Variants in FANCD2OS observed in about 807,000 individuals in gnomAD.
FANCD2OS encodes the protein FANCD2 opposite strand.
In FANCD2OS, 11 loss-of-function variants were observed where a neutral mutation model predicts 13.2. The observed-to-expected ratio is 0.83, with a 90% CI of 0.52 to 1.38. FANCD2OS has a LOEUF of 1.38. FANCD2OS is among the 40% of genes most tolerant of loss of function. The pLI, the probability that FANCD2OS is intolerant of heterozygous loss-of-function variation, is 0.00. For missense variants in FANCD2OS, 217 were observed against 213.9 expected, an observed-to-expected ratio of 1.01 and a Z score of -0.09; for synonymous variants, 69 against 84.5, an observed-to-expected ratio of 0.82 and a Z score of 1.01.
intron 1 of FANCD2OS, among the ~76,000 whole-genome samples, chr3:10,105,274 C>T (rs1245380678): frequency 1.3e-5 from 2 of 152,168 alleles, no homozygotes; most frequent in South Asian, 2.1e-4. Context: ...TAGGTCTTAA[C>T]CCATTTTATA....
At position 10,087,296 on chromosome 3, in the gene FANCD2OS, T is replaced by G. The variant is rs766103472; in HGVS notation, c.*44-5765A>C. The G allele has an allele frequency of 2.8e-5, 44 of 1,583,774 alleles. 1 individual carries two copies. The African/African-American group carries it at 5.2e-4, about 19-fold the overall frequency. On this transcript the variant is annotated intron_variant, in intron 2 of 2. Transcript: ENST00000524279. ...GGCCTAGATCCTTTTTTTTTTTTTT[T>G]TTTTAATGAATAGGACTAATATCTC...
downstream of FANCD2OS, chr3:10,101,270 A>G: frequency 1.9e-5 from 31 of 1,597,678 alleles, no homozygotes; most frequent in Non-Finnish European, 2.6e-5. Context: ...TAGACCCCAG[A>G]TAAATTGTTG....
downstream of FANCD2OS, chr3:10,099,207 C>T (rs943804571): frequency 2.2e-6 from 3 of 1,372,102 alleles, no homozygotes; most frequent in Non-Finnish European, 2.8e-6. Flanking sequence ...AATGTGAAAG[C>T]ATTTGGTGAA....
chr3:10,087,449 T>G (rs1303462266), intron 2 of FANCD2OS, among the ~76,000 whole-genome samples: 1 of 152,046 alleles, frequency 6.6e-6, no homozygotes, highest in African/African-American at 2.4e-5. Context: ...CTGCTAAAAT[T>G]GCTTAGTCTG....
chr3:10,100,533 G>A (rs536655675), downstream of FANCD2OS, among the ~76,000 whole-genome samples: 5 of 152,210 alleles, frequency 3.3e-5, no homozygotes, highest in South Asian at 2.1e-4. Flanking sequence ...AACCATGCCC[G>A]GCTAGTTTTT....
In FANCD2OS at chr3:10,081,489, G is replaced by C. The variant is rs1466705920; in HGVS notation, c.*86C>G. On this transcript the variant is annotated 3_prime_UTR_variant, in exon 3 of 3. Coordinates refer to the FANCD2OS transcript ENST00000524279. ...GGTAAGTATGTGGGAAGTGTGGAGA[G>C]AACTGAGTATATACTTGCTTTTATT... 2.8e-6 allele frequency: 4 copies of C among 1,454,454 alleles called. No homozygotes were observed. The African/African-American group carries it at 5.6e-5, about 20-fold the overall frequency. 90.1% of individuals were successfully genotyped at this position (1,454,454 alleles called of 1,614,324 possible).
At chr3:10,094,891 C>T (rs958804399) in intron 2 of FANCD2OS, 1 of 414,812 alleles carries the variant, frequency 2.4e-6, no homozygotes, top group African/African-American at 2.0e-5. Flanking sequence ...CCTCACAGCC[C>T]TGAAAGAGAA....
At chr3:10,093,092 G>A (rs1428748013) in intron 2 of FANCD2OS, among the ~76,000 whole-genome samples, 1 of 152,020 alleles carries the variant, frequency 6.6e-6, no homozygotes, top group Non-Finnish European at 1.5e-5. Context: ...CTCTTTGCTC[G>A]TCTCTTCCTT....
At position 10,105,944 on chromosome 3, in the gene FANCD2OS, C is replaced by G. The variant is rs960969423; in HGVS notation, c.-8-1162G>C. ...GGAACAAACTCCACGTGGGACCCAG[C>G]AATCTGCATTTATATAAGCCCTCTT... is the stretch of plus-strand genomic sequence containing the variant. On this transcript the variant is annotated intron_variant, in intron 1 of 1. Transcript: ENST00000450660. 3.3e-5 allele frequency among the ~76,000 whole-genome samples: 5 copies of G among 151,224 alleles called. No individual in the cohort carries two copies. The Admixed American group carries it at 3.3e-4, about 10-fold the overall frequency.
chr3:10,090,195 A>G lies in FANCD2OS; in HGVS notation c.*44-8664T>C, dbSNP rs1409886921. The stretch of plus-strand genomic sequence containing the variant: ...GACCCTAGTGAAAGGACATTTAGAG[A>G]GGTAGGGAAGGAAGCTACTTTTGGT... On this transcript the variant is annotated intron_variant, in intron 2 of 2. Transcript: ENST00000524279. 1.1e-5 allele frequency: 9 copies of G among 807,166 alleles called. No individual in the cohort carries two copies. In the Admixed American group the frequency reaches 1.7e-4, roughly 16 times the overall value. The allele number at this position is 807,166 out of a possible 1,614,324, so 50.0% of individuals were successfully genotyped here.
At chr3:10,106,911 GAAA>G (rs1238566372) in intron 1 of FANCD2OS, among the ~76,000 whole-genome samples, 1 of 151,912 alleles carries the variant, frequency 6.6e-6, no homozygotes, top group Non-Finnish European at 1.5e-5. Flanking sequence ...TCTCAAAAAA[GAAA>G]AAAACGTTGG....
intron 2 of FANCD2OS, chr3:10,093,212 C>T (rs1694755056): frequency 1.3e-5 from 15 of 1,142,516 alleles, no homozygotes; most frequent in South Asian, 1.1e-4. Flanking sequence ...CTGTGCTTTG[C>T]GCAGCGGGAA....
downstream of FANCD2OS, chr3:10,098,950 A>G (rs1695142381): frequency 6.2e-7 from 1 of 1,614,172 alleles, no homozygotes; most frequent in Non-Finnish European, 8.5e-7. Context: ...TCCCTCCATA[A>G]CAGCTTCTGT....
downstream of FANCD2OS, chr3:10,102,801 C>G: frequency 6.1e-6 from 1 of 165,032 alleles, no homozygotes; most frequent in Non-Finnish European, 1.3e-5. Flanking sequence ...TGAGATTGTG[C>G]CACTGCACTC....
intron 2 of FANCD2OS, among the ~76,000 whole-genome samples, chr3:10,089,597 G>A (rs1287066875): frequency 2.0e-5 from 3 of 152,094 alleles, no homozygotes; most frequent in Admixed American, 6.6e-5. Flanking sequence ...AGCCTTTCAA[G>A]TAACTGGGAT....
chr3:10,100,907 C>G (rs1401192732), downstream of FANCD2OS, among the ~76,000 whole-genome samples: 1 of 151,776 alleles, frequency 6.6e-6, no homozygotes, highest in Non-Finnish European at 1.5e-5. Flanking sequence ...CCGTCTCTAC[C>G]AAAATACAAA....
chr3:10,086,662 G>T (rs1559403263), intron 2 of FANCD2OS, among the ~76,000 whole-genome samples: 1 of 151,978 alleles, frequency 6.6e-6, no homozygotes, highest in Non-Finnish European at 1.5e-5. Flanking sequence ...TTATATTTTT[G>T]TAGAGATGTT....
intron 1 of FANCD2OS, among the ~76,000 whole-genome samples, chr3:10,105,435 A>C (rs756609054): frequency 3.3e-5 from 5 of 151,988 alleles, no homozygotes; most frequent in Non-Finnish European, 7.4e-5. Context: ...AGATTAGAAG[A>C]AGCTCAGAAA....
rs1450315368 is a variant in FANCD2OS at position 10,104,747 on chromosome 3, A to G, written c.28T>C (p.Trp10Arg). 8 of 1,599,368 alleles carry G rather than the reference A, an allele frequency of 5.0e-6. No individual in the cohort carries two copies. The highest frequency in any genetic ancestry group is 6.8e-6 in the Non-Finnish European group (8 of 1,172,030). MAGYQLWSPWTPLDESFQWL... is the reference protein window; with the variant it reads MAGYQLWSPRTPLDESFQWL... ...TGGAAACTCTCATCCAGTGGGGTCC[A>G]TGGTGACCAGAGCTGGTATCCTGCC... The change falls in exon 2 of 2, where the codon TGG becomes CGG. Residue 10 changes from tryptophan to arginine, a missense_variant. Physicochemically the swap from Trp to Arg is moderately radical, Grantham distance 101. Coordinates refer to ENST00000450660, the MANE Select transcript of FANCD2OS (RefSeq NM_001164839.2).
Sources: gnomAD v4.1 joint callset for allele counts (sites outside exome capture counted in the v4.1 genomes callset) on GRCh38, gnomAD v4.1.1 for gene constraint, MANE v1.5 for transcripts, NCBI Gene and HGNC (gene_info 2026-07-23, HGNC 2026-07-21) for gene names.